The following PRKAR1B variants were observed in gnomAD, a reference collection of about 807,000 sequenced individuals.
The protein encoded by PRKAR1B is protein kinase cAMP-dependent type I regulatory subunit beta.
A neutral mutation model predicts 46.5 loss-of-function variants in PRKAR1B; 22 were observed. The observed-to-expected ratio is 0.47, with a 90% CI of 0.34 to 0.68. The LOEUF is 0.68. Among genes scored for constraint, PRKAR1B ranks in the 30% least tolerant of loss-of-function variants. PRKAR1B has a pLI of 0.01. For synonymous variants in PRKAR1B, 259 were observed against 217.7 expected (o/e 1.19, Z -1.67); for missense variants, 445 against 535.6 (o/e 0.83, Z 1.67).
At chr7:563,793 G>A (rs868148561) in intron 9 of PRKAR1B, among the ~76,000 whole-genome samples, 94 of 151,996 alleles carry the variant, frequency 6.2e-4, no homozygotes, top group African/African-American at 2.1e-3. Flanking sequence ...GTACATGTGT[G>A]TACGTGTGTG....
At chr7:699,620 G>A (rs1395533707) in intron 2 of PRKAR1B, among the ~76,000 whole-genome samples, 5 of 152,208 alleles carry the variant, frequency 3.3e-5, no homozygotes, top group East Asian at 1.9e-4. Context: ...AGACAGGGTC[G>A]TGGTGAGAGG....
chr7:607,775 T>C (rs148094492), intron 4 of PRKAR1B: 150 of 272,400 alleles, frequency 5.5e-4, no homozygotes, highest in African/African-American at 3.1e-3. Context: ...TAACAATAGA[T>C]TGTGAACATT....
chr7:718,967 G>A (rs1275408716), intron 1 of PRKAR1B, among the ~76,000 whole-genome samples: 1 of 145,442 alleles, frequency 6.9e-6, no homozygotes, highest in Non-Finnish European at 1.5e-5. Flanking sequence ...AACCTTCCTG[G>A]CCCAAGTGAT....
rs1309855421 is a variant in PRKAR1B, at chr7:553,902, G to A, written c.892-2432C>T. Among the ~76,000 whole-genome samples the A allele has an allele frequency of 3.3e-5, 5 of 152,386 alleles. No homozygotes were observed. In the East Asian group the frequency reaches 9.6e-4, roughly 29 times the overall value. On this transcript the variant is annotated intron_variant, in intron 9 of 10. Coordinates refer to ENST00000537384, the MANE Select transcript of PRKAR1B (RefSeq NM_001164760.2). ...TGCCGTGTTTATGAATCCAGCTGAT[G>A]GATGAGCAGGACGTGTAAACAACAG...
intron 2 of PRKAR1B, among the ~76,000 whole-genome samples, chr7:709,218 G>A (rs1489119649): frequency 6.6e-6 from 1 of 150,936 alleles, no homozygotes; most frequent in African/African-American, 2.4e-5. Context: ...TTAAAGAGAG[G>A]TCTTTAAAGA....
intron 2 of PRKAR1B, among the ~76,000 whole-genome samples, chr7:709,367 ATTTC>A (rs1780502435): frequency 7.7e-6 from 1 of 129,578 alleles, no homozygotes; most frequent in East Asian, 2.3e-4. Context: ...GTGTGTATGT[ATTTC>A]TTTTTTTTTT....
chr7:583,822 GCACA>G (rs768836341), intron 8 of PRKAR1B, among the ~76,000 whole-genome samples: 3 of 149,954 alleles, frequency 2.0e-5, no homozygotes, highest in Non-Finnish European at 4.4e-5. Context: ...GCACACACAC[GCACA>G]CACACCCCCA....
At chr7:564,358 G>A (rs1297838560) in intron 9 of PRKAR1B, among the ~76,000 whole-genome samples, 1 of 152,142 alleles carries the variant, frequency 6.6e-6, no homozygotes, top group Admixed American at 6.5e-5. Context: ...AACCTCCGCC[G>A]CCAGCCTCAA....
At chr7:638,883 C>G (rs1032284652) in intron 4 of PRKAR1B, among the ~76,000 whole-genome samples, 1 of 149,738 alleles carries the variant, frequency 6.7e-6, no homozygotes, top group Non-Finnish European at 1.5e-5. Flanking sequence ...TCGAGACCAT[C>G]CTGGCCAACA....
At chr7:558,658 C>A (rs1225809219) in intron 9 of PRKAR1B, among the ~76,000 whole-genome samples, 1 of 151,644 alleles carries the variant, frequency 6.6e-6, no homozygotes, top group Non-Finnish European at 1.5e-5. Flanking sequence ...GAGGCTGAGG[C>A]AGGAGGATTG....
intron 9 of PRKAR1B, among the ~76,000 whole-genome samples, chr7:572,044 G>T (rs1384191256): frequency 2.0e-5 from 3 of 150,686 alleles, no homozygotes; most frequent in African/African-American, 7.3e-5. Context: ...AGCTCCTGGG[G>T]CCTGGGGCTG....
intron 8 of PRKAR1B, among the ~76,000 whole-genome samples, chr7:583,077 A>T (rs1780291285): frequency 6.6e-6 from 1 of 151,484 alleles, no homozygotes; most frequent in African/African-American, 2.4e-5. Context: ...AGGGGGGGTG[A>T]CGGCTCACAG....
intron 9 of PRKAR1B, chr7:565,755 G>T (rs1257082121): frequency 6.6e-6 from 1 of 152,212 alleles, no homozygotes; most frequent in African/African-American, 2.4e-5. Flanking sequence ...CTTGACTGGG[G>T]TAGCTCAGGC....
intron 4 of PRKAR1B, among the ~76,000 whole-genome samples, chr7:663,973 G>A (rs1785762914): frequency 6.6e-6 from 1 of 152,208 alleles, no homozygotes; most frequent in African/African-American, 2.4e-5. Flanking sequence ...GCCCCCCGCT[G>A]TCTCTGAGCC....
At chr7:610,658 C>A (rs886694841) in intron 4 of PRKAR1B, among the ~76,000 whole-genome samples, 1 of 152,126 alleles carries the variant, frequency 6.6e-6, no homozygotes, top group Non-Finnish European at 1.5e-5. Context: ...TGTCCATGTC[C>A]CCCCCGCACG....
chr7:588,811 T>TGA (rs1780794782), intron 7 of PRKAR1B, among the ~76,000 whole-genome samples: 1 of 81,456 alleles, frequency 1.2e-5, no homozygotes, highest in Non-Finnish European at 2.4e-5. Context: ...ACAGTGGTGA[T>TGA]CACGATGATG....
intron 2 of PRKAR1B, among the ~76,000 whole-genome samples, chr7:685,298 A>ATATATATACG (rs1256760202): frequency 2.7e-4 from 4 of 14,810 alleles, no homozygotes; most frequent in East Asian, 7.5e-3. Flanking sequence ...ATGTATACAT[A>ATATATATACG]TATATATACG....
chr7:656,422 T>C (rs973222432), intron 4 of PRKAR1B, among the ~76,000 whole-genome samples: 2 of 152,184 alleles, frequency 1.3e-5, no homozygotes, highest in Non-Finnish European at 2.9e-5. Context: ...AATGGATAGA[T>C]AAATGAATGG....
intron 6 of PRKAR1B, among the ~76,000 whole-genome samples, chr7:603,550 A>AAT: frequency 6.6e-6 from 1 of 150,902 alleles, no homozygotes; most frequent in Admixed American, 6.6e-5. Flanking sequence ...GCAGGCACTC[A>AAT]ATAAACATCC....
Sources: gnomAD v4.1 joint callset for allele counts (sites outside exome capture counted in the v4.1 genomes callset) on GRCh38, gnomAD v4.1.1 for gene constraint, MANE v1.5 for transcripts, NCBI Gene and HGNC (gene_info 2026-07-23, HGNC 2026-07-21) for gene names.